The following PRKG1 variants were observed in gnomAD, a reference collection of about 807,000 sequenced individuals.
PRKG1 encodes protein kinase cGMP-dependent 1.
A neutral mutation model predicts 88.1 loss-of-function variants in PRKG1; 35 were observed. That is an observed-to-expected ratio of 0.40 (90% CI 0.30 to 0.53). The LOEUF (loss-of-function observed/expected upper bound fraction) is 0.53, where lower values mean the gene tolerates loss of function less well. Ranked by LOEUF, PRKG1 falls within the 20% of genes least tolerant of loss-of-function variation. The pLI, the probability that PRKG1 is intolerant of heterozygous loss-of-function variation, is 0.59. For missense variants in PRKG1, 540 were observed against 839.8 expected (o/e 0.64, Z 4.41); for synonymous variants, 303 against 292.5 (o/e 1.04, Z -0.37).
chr10:51,579,008 T>C (rs954854677), intron 3 of PRKG1, among the ~76,000 whole-genome samples: 8 of 143,532 alleles, frequency 5.6e-5, no homozygotes, highest in African/African-American at 1.8e-4. Flanking sequence ...TTTTTTTTTT[T>C]AGACAGAGTC....
intron 5 of PRKG1, among the ~76,000 whole-genome samples, chr10:51,930,903 A>G (rs1345847199): frequency 1.3e-5 from 2 of 152,116 alleles, no homozygotes; most frequent in African/African-American, 4.8e-5. Context: ...TTCTCTCCCT[A>G]AGTTATTAAT....
intron 3 of PRKG1, among the ~76,000 whole-genome samples, chr10:51,714,953 T>G (rs1200831035): frequency 1.3e-5 from 2 of 152,222 alleles, no homozygotes; most frequent in Non-Finnish European, 2.9e-5. Flanking sequence ...TAAATATATT[T>G]AATGAAAAAG....
rs558091744 is a variant in PRKG1 at position 51,306,791 on chromosome 10, C to T, written c.478+153461C>T. 9 of 152,296 alleles carry T rather than the reference C, an allele frequency of 5.9e-5. 1 individual carries two copies. The East Asian group carries it at 1.7e-3, about 29-fold the overall frequency. 9.4% of individuals were successfully genotyped at this position (152,296 alleles called of 1,614,324 possible). ...CAGAGTATTTTGCAAAGTTCATTTACTTACATTGCCAAAAGTTATGTGATT... is the reference window on the plus strand; with the variant it reads ...CAGAGTATTTTGCAAAGTTCATTTATTTACATTGCCAAAAGTTATGTGATT... On this transcript the variant is annotated intron_variant, in intron 2 of 17. Transcript: ENST00000373980.
At chr10:51,219,292 T>C (rs980138602) in intron 2 of PRKG1, among the ~76,000 whole-genome samples, 2 of 152,148 alleles carry the variant, frequency 1.3e-5, no homozygotes, top group African/African-American at 4.8e-5. Context: ...GCATCTATTA[T>C]GTTGATTCGC....
chr10:52,147,309 A>T (rs1837755994), intron 8 of PRKG1, among the ~76,000 whole-genome samples: 1 of 152,222 alleles, frequency 6.6e-6, no homozygotes, highest in Admixed American at 6.5e-5. Context: ...GATTGTGGTC[A>T]GTGGTGGAAA....
chr10:51,948,964 A>G (rs907521651), intron 5 of PRKG1, among the ~76,000 whole-genome samples: 41 of 152,338 alleles, frequency 2.7e-4, no homozygotes, highest in African/African-American at 9.6e-4. Context: ...TACCTCTCCC[A>G]ATTATATAAT....
intron 1 of PRKG1, among the ~76,000 whole-genome samples, chr10:51,093,026 C>T (rs531024977): frequency 6.6e-6 from 1 of 152,228 alleles, no homozygotes; most frequent in Non-Finnish European, 1.5e-5. Flanking sequence ...ATTTTCAAAA[C>T]ACACTACGAA....
chr10:51,920,291 G>C (rs1336502583), intron 5 of PRKG1, among the ~76,000 whole-genome samples: 1 of 152,146 alleles, frequency 6.6e-6, no homozygotes, highest in South Asian at 2.1e-4. Context: ...CCTTTAGAAG[G>C]ATATTTTGAA....
rs371028933 is a variant in PRKG1, at chr10:51,324,667, G to T, written c.479-143056G>T. Among the ~76,000 whole-genome samples the T allele has an allele frequency of 2.0e-4, 30 of 152,220 alleles. No individual in the cohort carries two copies. The East Asian group carries it at 5.0e-3, about 25-fold the overall frequency. On this transcript the variant is annotated intron_variant, in intron 2 of 17. Transcript: ENST00000373980. ...GAGGCAGGACAATGGCGTGAACCTGGGAGGCGGAGCTTGCAGTGAGCCGAG... is the reference window on the plus strand; with the variant it reads ...GAGGCAGGACAATGGCGTGAACCTGTGAGGCGGAGCTTGCAGTGAGCCGAG...
intron 3 of PRKG1, among the ~76,000 whole-genome samples, chr10:51,762,605 A>C (rs1838048206): frequency 6.6e-6 from 1 of 152,190 alleles, no homozygotes; most frequent in Non-Finnish European, 1.5e-5. Flanking sequence ...GATAACAATG[A>C]CTTTTTTTTA....
intron 2 of PRKG1, among the ~76,000 whole-genome samples, chr10:51,383,271 T>G (rs1189229010): frequency 6.6e-6 from 1 of 151,672 alleles, no homozygotes; most frequent in Non-Finnish European, 1.5e-5. Context: ...AAGAGGTTCA[T>G]CAACTTGTCC....
chr10:52,206,547 C>T (rs12359674), intron 9 of PRKG1, among the ~76,000 whole-genome samples: 23,594 of 152,114 alleles, frequency 0.16, 2,070 homozygotes, highest in South Asian at 0.26. Flanking sequence ...GGTGATGTTC[C>T]TTAATCTTTG....
chr10:51,785,123 T>C (rs992500529), intron 3 of PRKG1, among the ~76,000 whole-genome samples: 2 of 142,730 alleles, frequency 1.4e-5, no homozygotes, highest in African/African-American at 5.7e-5. Flanking sequence ...GATTTCTTCT[T>C]CTTTTTTTTT....
intron 3 of PRKG1, among the ~76,000 whole-genome samples, chr10:51,534,686 A>G (rs1181316932): frequency 6.6e-6 from 1 of 150,946 alleles, no homozygotes; most frequent in Non-Finnish European, 1.5e-5. Context: ...AAAAAAAGAA[A>G]GAAAGAAAGG....
In PRKG1 at chr10:51,165,854, C is replaced by G. The variant is rs536855547; in HGVS notation, c.478+12524C>G. On this transcript the variant is annotated intron_variant, in intron 2 of 17. Coordinates refer to ENST00000373980, the MANE Select transcript of PRKG1 (RefSeq NM_006258.4). Reference sequence around the variant, plus strand: ...AATTTTCCTTTTAAAATTGAGCAGGCTTCTTTAAAAGATCTTTTATTCCCC... The same window carrying G: ...AATTTTCCTTTTAAAATTGAGCAGGGTTCTTTAAAAGATCTTTTATTCCCC... Among the ~76,000 whole-genome samples the G allele has an allele frequency of 2.6e-5, 4 of 152,228 alleles. No individual in the cohort carries two copies. In the East Asian group the frequency reaches 7.7e-4, roughly 29 times the overall value.
chr10:52,060,670 A>G (rs1846215798), intron 6 of PRKG1, among the ~76,000 whole-genome samples: 4 of 151,988 alleles, frequency 2.6e-5, no homozygotes, highest in South Asian at 2.1e-4. Context: ...ATAACAATAT[A>G]ATATAATATA....
chr10:52,224,838 T>TATATATATATATATAC lies in PRKG1; in HGVS notation c.1077-26731_1077-26730insTATATATATATATACA, dbSNP rs1172536011. On this transcript the variant is annotated intron_variant, in intron 9 of 17. Transcript: ENST00000373980. The stretch of plus-strand genomic sequence containing the variant: ...ATATATATATATATATATATATATA[T>TATATATATATATATAC]ACATACATACATACATATCTCACAG... Among the ~76,000 whole-genome samples the TATATATATATATATAC allele has an allele frequency of 2.6e-3, 353 of 135,778 alleles. 17 individuals are homozygous for TATATATATATATATAC. Among genetic ancestry groups the TATATATATATATATAC allele is most frequent in the African/African-American group, 9.8e-3 (338 of 34,474 alleles). The allele number at this position is 135,778 out of a possible 152,430, so 89.1% of individuals were successfully genotyped here.
chr10:52,295,405 T>G lies in PRKG1; in HGVS notation c.*1505T>G, dbSNP rs1842359589. ...TCATACTACCTAAAAAAGACTAGAT[T>G]TGAAAATGTCAAGCTGATTTACTTT... On this transcript the variant is annotated 3_prime_UTR_variant, in exon 18 of 18. Coordinates refer to ENST00000373980, the MANE Select transcript of PRKG1 (RefSeq NM_006258.4). The G allele has an allele frequency of 6.6e-6, 1 of 152,068 alleles. No individual in the cohort carries two copies. 9.4% of individuals were successfully genotyped at this position (152,068 alleles called of 1,614,324 possible). A position where few individuals can be genotyped will look rare whatever the true frequency, so the allele number is the denominator to read the frequency against.
At chr10:51,717,736 G>A (rs961242725) in intron 3 of PRKG1, among the ~76,000 whole-genome samples, 2 of 151,904 alleles carry the variant, frequency 1.3e-5, no homozygotes, top group Non-Finnish European at 2.9e-5. Flanking sequence ...GGAGGCTGAG[G>A]CTGGAGAATG....
Sources: gnomAD v4.1 joint callset for allele counts (sites outside exome capture counted in the v4.1 genomes callset) on GRCh38, gnomAD v4.1.1 for gene constraint, MANE v1.5 for transcripts, NCBI Gene and HGNC (gene_info 2026-07-23, HGNC 2026-07-21) for gene names.